The following MCF2L variants were observed in gnomAD, a reference collection of about 807,000 sequenced individuals.
The protein encoded by MCF2L is MCF.2 cell line derived transforming sequence like, also known as guanine nucleotide exchange factor DBS.
In MCF2L, 97 loss-of-function variants were observed where a neutral mutation model predicts 153.4. The observed-to-expected ratio is 0.63, with a 90% CI of 0.54 to 0.75. The LOEUF (loss-of-function observed/expected upper bound fraction) is 0.75, where lower values mean the gene tolerates loss of function less well. MCF2L is among the 30% of genes least tolerant of loss of function. MCF2L has a pLI of 0.00. For missense variants in MCF2L, 1,347 were observed against 1,495.2 expected, an observed-to-expected ratio of 0.90 and a Z score of 1.64; for synonymous variants, 659 against 632.2, an observed-to-expected ratio of 1.04 and a Z score of -0.64.
chr13:113,032,539 C>T (rs1200148216), intron 3 of MCF2L, among the ~76,000 whole-genome samples: 1 of 152,100 alleles, frequency 6.6e-6, no homozygotes, highest in Non-Finnish European at 1.5e-5. Flanking sequence ...TCTACCTTGG[C>T]GCCATTTGCT....
At chr13:112,964,323 T>C (rs773181577), upstream of MCF2L, among the ~76,000 whole-genome samples, 1 of 152,212 alleles carries the variant, frequency 6.6e-6, no homozygotes, top group Non-Finnish European at 1.5e-5. Context: ...AGTTTGCCTT[T>C]TGTTTTTTAA....
At chr13:113,069,873 A>T (rs1336949158) in intron 8 of MCF2L, among the ~76,000 whole-genome samples, 186 bp from the exon 9 acceptor site, 1 of 152,202 alleles carries the variant, frequency 6.6e-6, no homozygotes. Flanking sequence ...CCTCCCTCCC[A>T]TGCTGACGGC....
chr13:112,963,894 C>T (rs1256548767), intron 2 of MCF2L, among the ~76,000 whole-genome samples: 3 of 152,234 alleles, frequency 2.0e-5, no homozygotes, highest in South Asian at 2.1e-4. Context: ...TCAGTGTGCA[C>T]GGCCACGCCA....
intron 1 of MCF2L, among the ~76,000 whole-genome samples, chr13:112,972,246 T>C (rs1424460920): frequency 6.9e-6 from 1 of 145,310 alleles, no homozygotes; most frequent in East Asian, 2.2e-4. Flanking sequence ...GGTAGATGGG[T>C]GGGTGGGTGG....
rs1256847588 is a variant in MCF2L at position 112,907,394 on chromosome 13, C to T, written c.169+5023C>T. Reference sequence around the variant, plus strand: ...CAGTGTTTCTGGCATGGGTCATAGTCGTGGCTTGGTGGAGAATCCTCGGTG... The same window carrying T: ...CAGTGTTTCTGGCATGGGTCATAGTTGTGGCTTGGTGGAGAATCCTCGGTG... On this transcript the variant is annotated intron_variant, in intron 2 of 29. Transcript: ENST00000375608. This position sits in a 1 kb window ranked among gnomAD's most constrained non-coding sequence, Gnocchi z 5.1. Among the ~76,000 whole-genome samples the T allele has an allele frequency of 6.6e-6, 1 of 152,130 alleles. No individual in the cohort carries two copies. The highest frequency in any genetic ancestry group is 2.4e-5 in the African/African-American group (1 of 41,428).
intron 3 of MCF2L, among the ~76,000 whole-genome samples, chr13:113,036,136 C>T (rs1426071560): frequency 1.3e-5 from 2 of 152,154 alleles, no homozygotes; most frequent in Admixed American, 1.3e-4. Flanking sequence ...TCTCCATGCC[C>T]AGAGGCACCT....
chr13:112,926,572 G>A (rs569269420), intron 2 of MCF2L, among the ~76,000 whole-genome samples: 1 of 152,272 alleles, frequency 6.6e-6, no homozygotes, highest in Admixed American at 6.5e-5. Context: ...TGGTCGATAT[G>A]CACAGCAGAG....
At chr13:113,033,323 G>GCCCCCGTGA (rs2085893009) in intron 3 of MCF2L, among the ~76,000 whole-genome samples, 1 of 21,104 alleles carries the variant, frequency 4.7e-5, no homozygotes, top group Non-Finnish European at 9.1e-5. Flanking sequence ...GGCCCCTGTG[G>GCCCCCGTGA]CGTGAGTGGC....
rs778612161 is a variant in MCF2L, at chr13:113,081,285, G to A, written c.1875+6G>A. 1.3e-5 allele frequency: 21 copies of A among 1,580,784 alleles called. No homozygotes were observed. The highest frequency in any genetic ancestry group is 1.7e-5 in the Non-Finnish European group (20 of 1,164,742). On this transcript the variant is annotated splice_donor_region_variant and intron_variant, in intron 16 of 29. Coordinates refer to ENST00000535094, the MANE Select transcript of MCF2L (RefSeq NM_001112732.3). ...AGCTGCTGTGCGTCCTGGAGGTGAGGCTGGACTCGGGGAGGGCCGACTGCC... is the reference window on the plus strand; with the variant it reads ...AGCTGCTGTGCGTCCTGGAGGTGAGACTGGACTCGGGGAGGGCCGACTGCC...
chr13:113,065,288 AAGG>A (rs1265509919), intron 7 of MCF2L: 1 of 600,620 alleles, frequency 1.7e-6, no homozygotes, highest in African/African-American at 1.9e-5. Flanking sequence ...AACGGAATAA[AAGG>A]AGTGTAAATG....
intron 2 of MCF2L, among the ~76,000 whole-genome samples, chr13:112,959,552 T>C (rs945305206): frequency 6.6e-6 from 1 of 152,098 alleles, no homozygotes; most frequent in Non-Finnish European, 1.5e-5. Context: ...TACAGAACAA[T>C]AGGACAGGAG....
chr13:113,096,414 G>A lies in MCF2L; in HGVS notation c.3119G>A (p.Gly1040Asp), dbSNP rs748688570. The change falls in exon 28 of 30, where the codon GGC becomes GAC. Residue 1040 changes from glycine to aspartate, a missense_variant. This residue lies in a region of MCF2L where 383 missense variants were observed against 335.4 expected (regional missense o/e 1.14). Coordinates refer to ENST00000535094, the MANE Select transcript of MCF2L (RefSeq NM_001112732.3). ...GTCGTGGCGGACCACGAGAAGGGAG[G>A]CCCCGATGCGCTGCGCGTGAGGAGC... ...YTVVADHEKG[G>D]PDALRVRSGD... 3.1e-6 allele frequency: 5 copies of A among 1,594,956 alleles called. No homozygotes were observed. Among genetic ancestry groups the A allele is most frequent in the African/African-American group, 2.7e-5 (2 of 74,578 alleles).
chr13:112,963,862 C>T (rs1359387075), intron 2 of MCF2L, among the ~76,000 whole-genome samples: 1 of 152,218 alleles, frequency 6.6e-6, no homozygotes, highest in Non-Finnish European at 1.5e-5. Flanking sequence ...CTGGCAGAGG[C>T]AGGGCGGCTC....
intron 17 of MCF2L, among the ~76,000 whole-genome samples, chr13:113,083,115 C>T (rs1384864922): frequency 2.6e-5 from 4 of 152,176 alleles, no homozygotes; most frequent in Admixed American, 6.5e-5. Context: ...GCTGCTTTAA[C>T]ACAGTTTTGG....
rs973011205 is a variant in MCF2L at position 113,054,424 on chromosome 13, T to C, written c.370-6169T>C. ...CATTCTGAGCACTCGTGTCTGAACA[T>C]CTGCAGGAACAGGGTCCACGCCCAT... On this transcript the variant is annotated intron_variant, in intron 4 of 29. Transcript: ENST00000535094. The surrounding 1 kb of genome is among the most constrained non-coding windows in gnomAD (Gnocchi z 5.2). 1 of 167,300 alleles carries C rather than the reference T, an allele frequency of 6.0e-6. No homozygotes were observed. The highest frequency in any genetic ancestry group is 1.5e-5 in the Non-Finnish European group (1 of 68,174). 10.4% of individuals were successfully genotyped at this position (167,300 alleles called of 1,614,324 possible).
intron 23 of MCF2L, among the ~76,000 whole-genome samples, chr13:113,088,021 T>C (rs1053852867): frequency 6.6e-6 from 1 of 152,140 alleles, no homozygotes; most frequent in Non-Finnish European, 1.5e-5. Context: ...GGGCTCTCCC[T>C]CCCCAGGGGA....
intron 25 of MCF2L, among the ~76,000 whole-genome samples, chr13:113,088,986 C>T (rs570877509): frequency 3.9e-5 from 6 of 152,378 alleles, no homozygotes; most frequent in African/African-American, 1.4e-4. Context: ...TTTCAGACTC[C>T]GACCCTGACC....
At chr13:113,014,469 C>T (rs750077144) in intron 1 of MCF2L, among the ~76,000 whole-genome samples, 3 of 152,206 alleles carry the variant, frequency 2.0e-5, no homozygotes, top group African/African-American at 2.4e-5. Context: ...CCCCTGCCTC[C>T]CCTCTGCCCA....
intron 3 of MCF2L, chr13:113,042,266 CCTT>C (rs2086547545): frequency 6.6e-6 from 1 of 152,246 alleles, no homozygotes; most frequent in South Asian, 2.1e-4. Flanking sequence ...AGGACCCACA[CCTT>C]CTGCAGCTGA....
Sources: allele counts gnomAD v4.1 joint callset (sites outside exome capture counted in the v4.1 genomes callset), GRCh38; gene constraint gnomAD v4.1.1; regional missense constraint gnomAD v4.1.1; non-coding constraint Gnocchi (gnomAD v3.1); transcripts MANE v1.5; gene names NCBI Gene and HGNC (gene_info 2026-07-23, HGNC 2026-07-21).